MSR1: variants seen among roughly 807,000 people sequenced by gnomAD.
The protein encoded by MSR1 is macrophage scavenger receptor types I and II.
MSR1 carries 53 observed loss-of-function variants against 47.2 expected under a neutral mutation model. The observed-to-expected ratio is 1.12, with a 90% CI of 0.90 to 1.41. The LOEUF is 1.41. MSR1 is among the 40% of genes most tolerant of loss of function. MSR1 has a pLI of 0.00. For missense variants in MSR1, 786 were observed against 546.9 expected, an observed-to-expected ratio of 1.44 and a Z score of -4.36; for synonymous variants, 239 against 185.6, an observed-to-expected ratio of 1.29 and a Z score of -2.34.
chr8:16,165,260 C>T (rs986249052), intron 4 of MSR1, among the ~76,000 whole-genome samples: 2 of 152,072 alleles, frequency 1.3e-5, no homozygotes, highest in Non-Finnish European at 2.9e-5. Context: ...TGCGTATCAG[C>T]GTCCACTTTT....
rs763034795 is a variant in MSR1 at position 16,168,702 on chromosome 8, A to G, written c.386T>C (p.Leu129Ser). 1 of 1,614,178 alleles carries G rather than the reference A, an allele frequency of 6.2e-7. No individual in the cohort carries two copies. The highest frequency in any genetic ancestry group is 1.1e-5 in the South Asian group (1 of 91,086). The change falls in exon 4 of 10, where the codon TTA becomes TCA. Residue 129 changes from leucine to serine, a missense_variant. Coordinates refer to ENST00000262101, the MANE Select transcript of MSR1 (RefSeq NM_138715.3). ...SNMEKRIQHI[L>S]DMEANLMDTE... Reference sequence around the variant, plus strand: ...GTCCATGAGGTTGGCTTCCATGTCTAAAATATGCTGGATTCTCTTCTCCAT... The same window carrying G: ...GTCCATGAGGTTGGCTTCCATGTCTGAAATATGCTGGATTCTCTTCTCCAT...
At chr8:16,187,965 C>T (rs147574740) in intron 1 of MSR1, among the ~76,000 whole-genome samples, 384 of 152,246 alleles carry the variant, frequency 2.5e-3, no homozygotes, top group Middle Eastern at 0.01. Flanking sequence ...CATGAGCCTT[C>T]ATTAGCAGGC....
chr8:16,186,406 C>G (rs1171151758), intron 1 of MSR1: 2 of 535,118 alleles, frequency 3.7e-6, no homozygotes, highest in African/African-American at 3.8e-5. Flanking sequence ...CATAGCTCGT[C>G]TCTCAACTAC....
At position 16,137,212 on chromosome 8, in the gene MSR1, C is replaced by A. The variant is rs142541322; in HGVS notation, c.1033+6346G>T. Among the ~76,000 whole-genome samples the A allele has an allele frequency of 3.1e-3, 466 of 152,104 alleles. 5 individuals carry two copies. The highest frequency in any genetic ancestry group is 0.011 in the African/African-American group (458 of 41,524). On this transcript the variant is annotated intron_variant, in intron 8 of 9. Transcript: ENST00000262101. The stretch of plus-strand genomic sequence containing the variant: ...TGATAATGGAAGCTTTGTGAGCATT[C>A]TAGGAAGACTATGTTTCTGAGTAAT...
At chr8:16,174,067 T>C (rs1006135122) in intron 3 of MSR1, among the ~76,000 whole-genome samples, 2 of 152,208 alleles carry the variant, frequency 1.3e-5, no homozygotes, top group Admixed American at 6.5e-5. Context: ...CCAGCTCCAA[T>C]ACTGAGCTGT....
intron 9 of MSR1, among the ~76,000 whole-genome samples, chr8:16,113,487 G>A (rs1458682612): frequency 2.0e-5 from 3 of 152,142 alleles, no homozygotes; most frequent in Non-Finnish European, 2.9e-5. Context: ...AGTCATGACT[G>A]AGTGACATAA....
At chr8:16,157,992 T>C (rs1455781561) in intron 5 of MSR1, among the ~76,000 whole-genome samples, 1 of 151,964 alleles carries the variant, frequency 6.6e-6, no homozygotes, top group Non-Finnish European at 1.5e-5. Flanking sequence ...TAGTCACCTT[T>C]TGTTCGTAGT....
At chr8:16,185,634 G>T (rs1345294384) in intron 1 of MSR1, among the ~76,000 whole-genome samples, 1 of 151,854 alleles carries the variant, frequency 6.6e-6, no homozygotes, top group Non-Finnish European at 1.5e-5. Context: ...GATTTCCTTT[G>T]ATCCATTCCT....
At chr8:16,189,614 T>C (rs188983582) in intron 1 of MSR1, among the ~76,000 whole-genome samples, 1 of 3,548 alleles carries the variant, frequency 2.8e-4, no homozygotes, top group Non-Finnish European at 4.6e-4. Flanking sequence ...TAAAATCTTA[T>C]TTTATATATA....
At chr8:16,185,935 A>G (rs1366040670) in intron 1 of MSR1, among the ~76,000 whole-genome samples, 2 of 152,182 alleles carry the variant, frequency 1.3e-5, no homozygotes, top group East Asian at 1.9e-4. Flanking sequence ...ACAAAAGACA[A>G]GGAAGAACTT....
chr8:16,120,998 T>C (rs34994557), intron 8 of MSR1: 52 of 310,248 alleles, frequency 1.7e-4, no homozygotes, highest in South Asian at 1.3e-3. Context: ...TACAAACTTA[T>C]CAACATACAA....
chr8:16,125,180 T>C (rs1262135220), intron 8 of MSR1, among the ~76,000 whole-genome samples: 1 of 152,122 alleles, frequency 6.6e-6, no homozygotes, highest in Non-Finnish European at 1.5e-5. Context: ...GGCAGACTAA[T>C]GTTAAACAGA....
At chr8:16,131,393 T>C (rs1456216378) in intron 8 of MSR1, among the ~76,000 whole-genome samples, 1 of 151,680 alleles carries the variant, frequency 6.6e-6, no homozygotes, top group Admixed American at 6.6e-5. Context: ...TGATACATAG[T>C]TTGCAAATAT....
rs1300876888 is a variant in MSR1 at position 16,168,835 on chromosome 8, C to G, written c.253G>C (p.Val85Leu). ...ATATCATTTGCATTAGTTGAACTAACTGAGCAATTCTTCGTTTCCCACTTC... is the reference window on the plus strand; with the variant it reads ...ATATCATTTGCATTAGTTGAACTAAGTGAGCAATTCTTCGTTTCCCACTTC... ...LLKWETKNCS[V>L]SSTNANDITQ... The change falls in exon 4 of 10, where the codon GTT (valine) becomes CTT (leucine). Residue 85 changes from valine to leucine, a missense_variant. Physicochemically the swap from Val to Leu is conservative, Grantham distance 32 (BLOSUM62 1). Transcript: ENST00000262101. 2.5e-6 allele frequency: 4 copies of G among 1,613,580 alleles called. No homozygotes were observed. Among genetic ancestry groups the G allele is most frequent in the Non-Finnish European group, 3.4e-6 (4 of 1,179,990 alleles).
intron 1 of MSR1, among the ~76,000 whole-genome samples, chr8:16,188,640 T>C (rs531955290): frequency 6.6e-6 from 1 of 152,120 alleles, no homozygotes; most frequent in African/African-American, 2.4e-5. Context: ...TAGGAGTTTG[T>C]CCTAATGCTA....
chr8:16,169,288 G>C (rs1000800200), intron 3 of MSR1, among the ~76,000 whole-genome samples: 1 of 152,210 alleles, frequency 6.6e-6, no homozygotes, highest in African/African-American at 2.4e-5. Context: ...AACAATGGCA[G>C]TGATAATCAT....
chr8:16,183,467 T>C (rs1563171648), intron 1 of MSR1, among the ~76,000 whole-genome samples: 1 of 149,374 alleles, frequency 6.7e-6, no homozygotes, highest in African/African-American at 2.4e-5. Context: ...TGAATATTCA[T>C]ATATGAATAG....
chr8:16,155,251 G>A (rs891042425), intron 5 of MSR1, 107 bp from the exon 6 acceptor site: 3 of 783,828 alleles, frequency 3.8e-6, no homozygotes, highest in African/African-American at 3.4e-5. Flanking sequence ...TCTATTTGTT[G>A]TGCAATAATA....
At chr8:16,166,425 T>A (rs561100534) in intron 4 of MSR1, among the ~76,000 whole-genome samples, 1 of 151,206 alleles carries the variant, frequency 6.6e-6, no homozygotes, top group Non-Finnish European at 1.5e-5. Context: ...CCTCCCAAAG[T>A]GCTGGGATTA....
Sources: allele counts gnomAD v4.1 joint callset (sites outside exome capture counted in the v4.1 genomes callset), GRCh38; gene constraint gnomAD v4.1.1; transcripts MANE v1.5; gene names NCBI Gene and HGNC (gene_info 2026-07-23, HGNC 2026-07-21).